ECE1: variants seen among roughly 807,000 people sequenced by gnomAD.
ECE1 encodes endothelin-converting enzyme 1.
Under a neutral mutation model 98.6 loss-of-function variants are expected in ECE1, and 35 were observed. That is an observed-to-expected ratio of 0.35 (90% confidence interval 0.27 to 0.47). ECE1 has a LOEUF of 0.47. Ranked by LOEUF, ECE1 falls within the 20% of genes least tolerant of loss-of-function variation. The pLI, the probability that ECE1 is intolerant of heterozygous loss-of-function variation, is 1.00. For synonymous variants in ECE1, 394 were observed against 407.1 expected, an observed-to-expected ratio of 0.97 and a Z score of 0.39; for missense variants, 814 against 1,025.3, an observed-to-expected ratio of 0.79 and a Z score of 2.81.
At chr1:21,250,300 C>T (rs2098210864) in intron 8 of ECE1, among the ~76,000 whole-genome samples, 1 of 152,156 alleles carries the variant, frequency 6.6e-6, no homozygotes, top group African/African-American at 2.4e-5. Flanking sequence ...AACTTTTGTT[C>T]TGCTCTTGTT....
upstream of ECE1, among the ~76,000 whole-genome samples, chr1:21,291,021 G>A (rs1007531989): frequency 6.6e-6 from 1 of 151,962 alleles, no homozygotes; most frequent in Non-Finnish European, 1.5e-5. Flanking sequence ...CGTGCTCAAA[G>A]GTGTCGCCCT....
Position 21,345,329 on chromosome 1 carries a change from G to C in ECE1, c.3+47C>G. 1 of 1,349,444 alleles carries C rather than the reference G, an allele frequency of 7.4e-7. No individual in the cohort carries two copies. The highest frequency in any genetic ancestry group is 9.6e-7 in the Non-Finnish European group (1 of 1,042,610). 83.6% of individuals were successfully genotyped at this position (1,349,444 alleles called of 1,614,324 possible). On this transcript the variant is annotated intron_variant, in intron 1 of 18. Transcript: ENST00000415912. The surrounding 1 kb of genome is among the most constrained non-coding windows in gnomAD (Gnocchi z 5.1). ...ACCCGCGGCACCGCTGCCCGCGACC[G>C]TCGAGGCTGGGCTGGACCGGACCAG... is the stretch of plus-strand genomic sequence containing the variant.
Position 21,327,173 on chromosome 1 carries a change from G to C in ECE1, c.3+18203C>G, listed in dbSNP as rs527949665. On this transcript the variant is annotated intron_variant, in intron 1 of 18. Transcript: ENST00000415912. The surrounding 1 kb of genome is among the most constrained non-coding windows in gnomAD (Gnocchi z 4.6). ...ATGGGGAGGGACGAAGCCACCAGGAGACTGGGAAGAGGGACTCTGCCAGAG... is the reference window on the plus strand; with the variant it reads ...ATGGGGAGGGACGAAGCCACCAGGACACTGGGAAGAGGGACTCTGCCAGAG... Among the ~76,000 whole-genome samples, 1 of 152,344 alleles carries C rather than the reference G, an allele frequency of 6.6e-6. No individual in the cohort carries two copies. The highest frequency in any genetic ancestry group is 2.4e-5 in the African/African-American group (1 of 41,586).
intron 8 of ECE1, among the ~76,000 whole-genome samples, chr1:21,253,671 G>A (rs1333250575): frequency 3.3e-5 from 5 of 151,414 alleles, no homozygotes; most frequent in Non-Finnish European, 5.9e-5. Flanking sequence ...GCTGAGGTGG[G>A]AGAATGGCGT....
chr1:21,331,131 G>T (rs1285253459), intron 1 of ECE1, among the ~76,000 whole-genome samples: 5 of 152,132 alleles, frequency 3.3e-5, no homozygotes, highest in African/African-American at 4.8e-5. Flanking sequence ...GGCCAGGCAC[G>T]GTGGCTCATG....
At chr1:21,297,267 G>A (rs919273558) in intron 1 of ECE1, among the ~76,000 whole-genome samples, 1 of 152,170 alleles carries the variant, frequency 6.6e-6, no homozygotes, top group African/African-American at 2.4e-5. Context: ...AGTGCCTGCT[G>A]TGGAGGCCAC....
chr1:21,288,816 G>C (rs1237538992), intron 2 of ECE1, among the ~76,000 whole-genome samples: 2 of 152,142 alleles, frequency 1.3e-5, no homozygotes, highest in Admixed American at 6.5e-5. Context: ...TTTTTAGCTC[G>C]GTGACCGAAG....
chr1:21,318,600 C>T (rs566171423), intron 1 of ECE1, among the ~76,000 whole-genome samples: 8 of 152,008 alleles, frequency 5.3e-5, no homozygotes, highest in Non-Finnish European at 1.0e-4. Context: ...TCTAAAATCC[C>T]ATTTTTTGAA....
intron 1 of ECE1, among the ~76,000 whole-genome samples, chr1:21,341,374 G>A (rs1639395256): frequency 6.6e-6 from 1 of 152,184 alleles, no homozygotes; most frequent in Admixed American, 6.5e-5. Context: ...GGCTTACCCA[G>A]TCAATTGGAG....
At chr1:21,269,882 T>C (rs1394006954) in intron 4 of ECE1, among the ~76,000 whole-genome samples, 4 of 152,220 alleles carry the variant, frequency 2.6e-5, no homozygotes, top group African/African-American at 9.6e-5. Flanking sequence ...TCACCAGACC[T>C]TGGCCTCGGG....
intron 1 of ECE1, among the ~76,000 whole-genome samples, chr1:21,320,648 G>T (rs1178131087): frequency 6.6e-6 from 1 of 152,200 alleles, no homozygotes; most frequent in South Asian, 2.1e-4. Flanking sequence ...CACTCACAGG[G>T]GGTCACACAG....
At chr1:21,222,088 G>A (rs1450631538) in intron 17 of ECE1, 2 of 544,756 alleles carry the variant, frequency 3.7e-6, no homozygotes, top group South Asian at 2.0e-5. Context: ...CTTCCCTGAT[G>A]TGTATATTCA....
chr1:21,272,328 G>A (rs2098241139), intron 4 of ECE1, among the ~76,000 whole-genome samples: 1 of 152,208 alleles, frequency 6.6e-6, no homozygotes, highest in Non-Finnish European at 1.5e-5. Context: ...GTCTCACTCT[G>A]TTGCCCAGGC....
At chr1:21,320,880 C>T (rs1026195561) in intron 1 of ECE1, among the ~76,000 whole-genome samples, 3 of 152,212 alleles carry the variant, frequency 2.0e-5, no homozygotes, top group Admixed American at 6.5e-5. Context: ...TGCCTACTGC[C>T]GAGGTGGTGC....
At chr1:21,320,885 T>C (rs1050450234) in intron 1 of ECE1, among the ~76,000 whole-genome samples, 5 of 152,202 alleles carry the variant, frequency 3.3e-5, no homozygotes, top group Non-Finnish European at 7.4e-5. Flanking sequence ...ACTGCCGAGG[T>C]GGTGCCTTGA....
In ECE1 at chr1:21,327,141, G is replaced by A. The variant is rs773947449; in HGVS notation, c.3+18235C>T. On this transcript the variant is annotated intron_variant, in intron 1 of 18. Transcript: ENST00000415912. This position sits in a 1 kb window ranked among gnomAD's most constrained non-coding sequence, Gnocchi z 4.6. ...TTGAAGCTGCCAGACTCTGCAGGCAGCAGGGCATGGGGAGGGACGAAGCCA... is the reference window on the plus strand; with the variant it reads ...TTGAAGCTGCCAGACTCTGCAGGCAACAGGGCATGGGGAGGGACGAAGCCA... 3.3e-5 allele frequency among the ~76,000 whole-genome samples: 5 copies of A among 152,210 alleles called. No homozygotes were observed. The highest frequency in any genetic ancestry group is 5.9e-5 in the Non-Finnish European group (4 of 68,022).
intron 2 of ECE1, among the ~76,000 whole-genome samples, chr1:21,285,737 A>C (rs1446242734): frequency 1.3e-5 from 2 of 151,620 alleles, no homozygotes; most frequent in East Asian, 3.9e-4. Flanking sequence ...CATGCCTGCA[A>C]TCCCAGCACT....
chr1:21,324,390 C>G (rs1228386256), intron 1 of ECE1, among the ~76,000 whole-genome samples: 1 of 152,226 alleles, frequency 6.6e-6, no homozygotes, highest in Non-Finnish European at 1.5e-5. Context: ...GCGGGACTGA[C>G]AGGGACACTC....
At position 21,258,548 on chromosome 1, in the gene ECE1, C is replaced by A; in HGVS notation, c.762+145G>T. 7.7e-7 allele frequency: 1 copy of A among 1,295,706 alleles called. No individual in the cohort carries two copies. Among genetic ancestry groups the A allele is most frequent in the Non-Finnish European group, 1.1e-6 (1 of 925,316 alleles). 80.3% of individuals were successfully genotyped at this position (1,295,706 alleles called of 1,614,324 possible). A position where few individuals can be genotyped will look rare whatever the true frequency, so the allele number is the denominator to read the frequency against. On this transcript the variant is annotated intron_variant, in intron 6 of 18. Coordinates refer to ENST00000374893, the MANE Select transcript of ECE1 (RefSeq NM_001397.3). This position sits in a 1 kb window ranked among gnomAD's most constrained non-coding sequence, Gnocchi z 4.2. ...GCCTGCAAAGATCTCACCAGTGGGG[C>A]CTCTGGAAATAACCCAGGCTCAGAA...
Sources: allele counts gnomAD v4.1 joint callset (sites outside exome capture counted in the v4.1 genomes callset), GRCh38; gene constraint gnomAD v4.1.1; non-coding constraint Gnocchi (gnomAD v3.1); transcripts MANE v1.5; gene names NCBI Gene and HGNC (gene_info 2026-07-23, HGNC 2026-07-21).